The following RGS5 variants were observed in gnomAD, a reference collection of about 807,000 sequenced individuals.
RGS5 encodes the protein regulator of G protein signaling 5.
A neutral mutation model predicts 18.9 loss-of-function variants in RGS5; 20 were observed. That is an observed-to-expected ratio of 1.06 (90% CI 0.74 to 1.54). The LOEUF (loss-of-function observed/expected upper bound fraction) is 1.54. RGS5 is among the 40% of genes most tolerant of loss of function. The pLI, the probability that RGS5 is intolerant of heterozygous loss-of-function variation, is 0.00. For missense variants in RGS5, 201 were observed against 211.8 expected (o/e 0.95, Z 0.32); for synonymous variants, 57 against 76.2 (o/e 0.75, Z 1.31).
intron 2 of RGS5, among the ~76,000 whole-genome samples, chr1:163,256,368 CAA>C (rs1330644247): frequency 6.6e-6 from 1 of 152,002 alleles, no homozygotes; most frequent in East Asian, 1.9e-4. Context: ...ACAGTTGCTT[CAA>C]AGAGAATAAA....
intron 3 of RGS5, among the ~76,000 whole-genome samples, chr1:163,161,500 C>T (rs1358936900): frequency 6.6e-6 from 1 of 152,134 alleles, no homozygotes; most frequent in Non-Finnish European, 1.5e-5. Context: ...TAGTTTGAAC[C>T]AGGATGTACT....
chr1:163,245,107 A>AT (rs1006779516), intron 2 of RGS5: 14 of 152,178 alleles, frequency 9.2e-5, no homozygotes, highest in African/African-American at 3.1e-4. Context: ...AATGAAAAAG[A>AT]TTTTTTCCCA....
At chr1:163,217,849 A>G (rs1660251344), upstream of RGS5, among the ~76,000 whole-genome samples, 1 of 152,190 alleles carries the variant, frequency 6.6e-6, no homozygotes, top group African/African-American at 2.4e-5. Flanking sequence ...TGGAATGTAA[A>G]CTAACAGAGA....
intron 2 of RGS5, among the ~76,000 whole-genome samples, chr1:163,226,922 T>C (rs61812160): frequency 0.096 from 14,616 of 152,286 alleles, 957 homozygotes; most frequent in South Asian, 0.18. Flanking sequence ...ATTCTAAACA[T>C]TGGACATTTT....
chr1:163,173,407 G>A (rs979059604), intron 1 of RGS5, among the ~76,000 whole-genome samples: 2 of 152,166 alleles, frequency 1.3e-5, no homozygotes, highest in Non-Finnish European at 2.9e-5. Context: ...GGGCTTTGCA[G>A]TTTTAAATCT....
At chr1:163,268,057 A>C (rs570108638) in intron 2 of RGS5, among the ~76,000 whole-genome samples, 54 of 152,144 alleles carry the variant, frequency 3.5e-4, no homozygotes, top group African/African-American at 1.3e-3. Flanking sequence ...CCACCTCCTA[A>C]GGTTTCTGTG....
upstream of RGS5, among the ~76,000 whole-genome samples, chr1:163,203,491 C>A (rs1659856206): frequency 6.6e-6 from 1 of 152,100 alleles, no homozygotes; most frequent in Non-Finnish European, 1.5e-5. Context: ...ATGTTGTGAG[C>A]CTTCAGGAAG....
chr1:163,209,275 C>T (rs184461602), intron 1 of RGS5, among the ~76,000 whole-genome samples: 62 of 152,180 alleles, frequency 4.1e-4, no homozygotes, highest in Non-Finnish European at 5.9e-5. Flanking sequence ...TCTTTTCCAC[C>T]AGTATATTTG....
intron 2 of RGS5, among the ~76,000 whole-genome samples, chr1:163,234,950 C>T (rs1395584821): frequency 6.6e-6 from 1 of 152,192 alleles, no homozygotes; most frequent in African/African-American, 2.4e-5. Context: ...GTAGAAGCTA[C>T]AAGATATCAC....
intron 1 of RGS5, among the ~76,000 whole-genome samples, chr1:163,179,922 T>G (rs1214155670): frequency 6.6e-6 from 1 of 152,182 alleles, no homozygotes; most frequent in Non-Finnish European, 1.5e-5. Flanking sequence ...TTCTCCTTAC[T>G]CTCATAATTT....
chr1:163,157,425 A>G (rs924571277), intron 3 of RGS5, among the ~76,000 whole-genome samples: 2 of 152,202 alleles, frequency 1.3e-5, no homozygotes, highest in Non-Finnish European at 2.9e-5. Flanking sequence ...GGATGATTAA[A>G]AATTATTTTA....
intron 2 of RGS5, among the ~76,000 whole-genome samples, chr1:163,227,126 C>T (rs1035063098): frequency 2.0e-5 from 3 of 152,190 alleles, no homozygotes; most frequent in Non-Finnish European, 4.4e-5. Context: ...ATACACTCAT[C>T]AGAGTGATCA....
intron 2 of RGS5, among the ~76,000 whole-genome samples, chr1:163,278,989 T>A (rs1482033289): frequency 6.6e-6 from 1 of 152,042 alleles, no homozygotes; most frequent in African/African-American, 2.4e-5. Context: ...CAAGACGCTA[T>A]AACATTTTAA....
intron 2 of RGS5, among the ~76,000 whole-genome samples, chr1:163,291,324 C>CA (rs964081416): frequency 1.1e-4 from 16 of 152,130 alleles, no homozygotes; most frequent in Admixed American, 1.0e-3. Flanking sequence ...CTTTACCCTT[C>CA]AAGCTGCCCT....
chr1:163,314,445 A>G (rs531479241), intron 1 of RGS5, among the ~76,000 whole-genome samples: 17 of 152,244 alleles, frequency 1.1e-4, no homozygotes, highest in Non-Finnish European at 1.6e-4. Flanking sequence ...CTAAGGGTCC[A>G]TATTAGAAAA....
chr1:163,276,283 C>T (rs921403493), intron 2 of RGS5, among the ~76,000 whole-genome samples: 8 of 152,080 alleles, frequency 5.3e-5, no homozygotes, highest in Non-Finnish European at 8.8e-5. Context: ...CATGAGCCAC[C>T]GCACCCAGCT....
At chr1:163,256,055 C>T (rs1406509491) in intron 2 of RGS5, among the ~76,000 whole-genome samples, 2 of 152,124 alleles carry the variant, frequency 1.3e-5, no homozygotes, top group African/African-American at 4.8e-5. Flanking sequence ...TGGTACAAGA[C>T]AGGGATGCCC....
intron 2 of RGS5, among the ~76,000 whole-genome samples, chr1:163,228,483 C>T (rs1571305510): frequency 6.8e-6 from 1 of 147,162 alleles, no homozygotes; most frequent in Admixed American, 6.7e-5. Context: ...AGCAAGGGGG[C>T]CCTGGACCCG....
At chr1:163,151,203 C>G (rs1657358846) in intron 4 of RGS5, among the ~76,000 whole-genome samples, 1 of 152,124 alleles carries the variant, frequency 6.6e-6, no homozygotes, top group Non-Finnish European at 1.5e-5. Context: ...AATAGTCAAT[C>G]AGTGGTATAT....
Sources: allele counts gnomAD v4.1 joint callset (sites outside exome capture counted in the v4.1 genomes callset), GRCh38; gene constraint gnomAD v4.1.1; transcripts MANE v1.5; gene names NCBI Gene and HGNC (gene_info 2026-07-23, HGNC 2026-07-21).